TIPARP: variants seen among roughly 807,000 people sequenced by gnomAD.
TIPARP encodes the protein TCDD inducible poly(ADP-ribose) polymerase.
In TIPARP, 12 loss-of-function variants were observed where a neutral mutation model predicts 56.5. The observed-to-expected ratio is 0.21, with a 90% CI of 0.14 to 0.34. The LOEUF (loss-of-function observed/expected upper bound fraction) is 0.34. TIPARP is among the 10% of genes least tolerant of loss of function. TIPARP has a pLI of 1.00. For missense variants in TIPARP, 604 were observed against 781.6 expected (o/e 0.77, Z 2.71); for synonymous variants, 296 against 265.7 (o/e 1.11, Z -1.11).
At chr3:156,678,732 T>C in intron 2 of TIPARP, 118 bp downstream of exon 2, 1 of 875,890 alleles carries the variant, frequency 1.1e-6, no homozygotes, top group Non-Finnish European at 1.7e-6. Context: ...TTTTCCACTA[T>C]TATTCTTTTG....
chr3:156,682,991 A>C (rs1722342732), intron 2 of TIPARP, among the ~76,000 whole-genome samples: 1 of 152,242 alleles, frequency 6.6e-6, no homozygotes, highest in African/African-American at 2.4e-5. Context: ...CAGAGAAGTT[A>C]CTGGATCTGT....
At chr3:156,695,575 C>T (rs973152706) in intron 3 of TIPARP, among the ~76,000 whole-genome samples, 9 of 151,836 alleles carry the variant, frequency 5.9e-5, no homozygotes, top group East Asian at 3.9e-4. Context: ...GAAATATGAA[C>T]GAAAACTCTC....
chr3:156,684,690 A>T (rs1722389157), intron 2 of TIPARP, among the ~76,000 whole-genome samples: 1 of 152,156 alleles, frequency 6.6e-6, no homozygotes, highest in South Asian at 2.1e-4. Flanking sequence ...CCTCGGCCTC[A>T]CAAAGTGCTA....
intron 2 of TIPARP, among the ~76,000 whole-genome samples, chr3:156,686,409 TTTCTC>T (rs1722429480): frequency 6.6e-6 from 1 of 152,220 alleles, no homozygotes; most frequent in Non-Finnish European, 1.5e-5. Context: ...CTCTCTGTCT[TTTCTC>T]TAGGAAGTCT....
At chr3:156,676,792 T>C (rs576540673) in intron 1 of TIPARP, 1 of 152,166 alleles carries the variant, frequency 6.6e-6, no homozygotes, top group South Asian at 2.1e-4. Flanking sequence ...ATCTGAAATT[T>C]GGTGTGTGTT....
chr3:156,693,846 T>C (rs1027349036), intron 2 of TIPARP, among the ~76,000 whole-genome samples, 174 bp from the exon 3 acceptor site: 2 of 152,180 alleles, frequency 1.3e-5, no homozygotes, highest in African/African-American at 4.8e-5. Context: ...AGGAAATGGA[T>C]GCTGTGGAAA....
At chr3:156,683,812 C>T (rs1722362560) in intron 2 of TIPARP, among the ~76,000 whole-genome samples, 1 of 152,164 alleles carries the variant, frequency 6.6e-6, no homozygotes, top group African/African-American at 2.4e-5. Context: ...TCTATGCAAA[C>T]CTTGACTACT....
rs1291859416 is a variant in TIPARP, at chr3:156,705,057, A to C, written c.1900A>C (p.Ile634Leu). The change falls in exon 6 of 6, where the codon ATT (isoleucine) becomes CTT (leucine). Residue 634 changes from isoleucine (I) to leucine (L), a missense_variant. This residue lies in a region of TIPARP where 77 missense variants were observed against 161.0 expected (regional missense o/e 0.48). Coordinates refer to ENST00000295924, the MANE Select transcript of TIPARP (RefSeq NM_015508.5). ...TTTCTTTGAGCCTCAGATTTTTGTC[A>C]TTTTTAATGATGACCAGAGTTACCC... is the stretch of plus-strand genomic sequence containing the variant. ...DNFFEPQIFV[I>L]FNDDQSYPYF... 6.2e-7 allele frequency: 1 copy of C among 1,613,966 alleles called. No homozygotes were observed.
At chr3:156,682,552 CAT>C (rs1722334554) in intron 2 of TIPARP, among the ~76,000 whole-genome samples, 1 of 152,168 alleles carries the variant, frequency 6.6e-6, no homozygotes, top group South Asian at 2.1e-4. Flanking sequence ...TCATAAAAAG[CAT>C]ATACTGTTAC....
At chr3:156,686,295 G>A (rs1477385648) in intron 2 of TIPARP, among the ~76,000 whole-genome samples, 1 of 152,122 alleles carries the variant, frequency 6.6e-6, no homozygotes, top group East Asian at 1.9e-4. Context: ...ATCTATCATA[G>A]AAACTTGGCT....
rs1292742189 is a variant in TIPARP at position 156,703,472 on chromosome 3, TTCA to T, written c.1303_1305del (p.Ser435del). On this transcript the variant is annotated inframe_deletion, in exon 5 of 6. Coordinates refer to ENST00000295924, the MANE Select transcript of TIPARP (RefSeq NM_015508.5). ...AAGCTCCTCCACCTCTTGAAGCAAC[TTCA>T]TCATCACAAATTATCTGCCCAGATG... 6.2e-7 allele frequency: 1 copy of T among 1,614,216 alleles called. No individual in the cohort carries two copies. Among genetic ancestry groups the T allele is most frequent in the South Asian group, 1.1e-5 (1 of 91,090 alleles).
At chr3:156,680,403 A>G (rs890002706) in intron 2 of TIPARP, among the ~76,000 whole-genome samples, 1 of 152,162 alleles carries the variant, frequency 6.6e-6, no homozygotes, top group African/African-American at 2.4e-5. Flanking sequence ...TGAGCTAGCA[A>G]TTCTAATTGC....
rs763428665 is a variant in TIPARP at position 156,677,943 on chromosome 3, G to A, written c.246G>A (p.Glu82=). 1.4e-5 allele frequency: 22 copies of A among 1,614,110 alleles called. No homozygotes were observed. Among genetic ancestry groups the A allele is most frequent in the Non-Finnish European group, 1.8e-5 (21 of 1,180,026 alleles). Residue 82 remains glutamate, a synonymous_variant, in exon 2 of 6, where the codon GAG becomes GAA. Coordinates refer to ENST00000295924, the MANE Select transcript of TIPARP (RefSeq NM_015508.5). Reference sequence around the variant, plus strand: ...GATCTAGGAACCAGAGTACAGATGAGAACAGCTTACATGAACCTATGATGA... The same window carrying A: ...GATCTAGGAACCAGAGTACAGATGAAAACAGCTTACATGAACCTATGATGA... ...VFRSRNQSTD[E]NSLHEPMMKK...
intron 5 of TIPARP, 119 bp downstream of exon 5, chr3:156,703,821 A>G (rs902251016): frequency 7.5e-6 from 8 of 1,067,940 alleles, no homozygotes; most frequent in African/African-American, 4.8e-5. Context: ...AGACCATCCT[A>G]GCTAACACGG....
rs750762269 is a variant in TIPARP, at chr3:156,677,670, TG to T, written c.-27del. The T allele has an allele frequency of 3.9e-6, 6 of 1,530,702 alleles. No homozygotes were observed. The African/African-American group carries it at 6.9e-5, about 18-fold the overall frequency. 94.8% of individuals were successfully genotyped at this position (1,530,702 alleles called of 1,614,324 possible). A position where few individuals can be genotyped will look rare whatever the true frequency, so the allele number is the denominator to read the frequency against. On this transcript the variant is annotated 5_prime_UTR_variant, in exon 2 of 6. Transcript: ENST00000295924. ...CTTTCCTCGTAGGATTTTTAGACTC[TG>T]AGGAGCAGTTGGAGCTAATCCACAT... is the stretch of plus-strand genomic sequence containing the variant.
intron 2 of TIPARP, among the ~76,000 whole-genome samples, chr3:156,690,519 TTTTAAA>T (rs1235820285): frequency 6.6e-6 from 1 of 152,168 alleles, no homozygotes; most frequent in Non-Finnish European, 1.5e-5. Flanking sequence ...CTTTTCAGCA[TTTTAAA>T]TTAGTGTTGT....
At position 156,703,520 on chromosome 3, in the gene TIPARP, T is replaced by C. The variant is rs1436134761; in HGVS notation, c.1344T>C (p.Phe448=). Residue 448 remains phenylalanine, a synonymous_variant, in exon 5 of 6, where the codon TTT becomes TTC. Transcript: ENST00000295924. Reference sequence around the variant, plus strand: ...CAGATGGGGTCACTTCAGCAAACTTTTACCCTGAAACTTGGGTTTATATGC... The same window carrying C: ...CAGATGGGGTCACTTCAGCAAACTTCTACCCTGAAACTTGGGTTTATATGC... The part of the protein sequence containing the change: ...ICPDGVTSAN[F]YPETWVYMHP... The C allele has an allele frequency of 6.2e-7, 1 of 1,614,104 alleles. No individual in the cohort carries two copies. Among genetic ancestry groups the C allele is most frequent in the African/African-American group, 1.3e-5 (1 of 74,916 alleles).
chr3:156,706,056 G>A lies in TIPARP; in HGVS notation c.*925G>A, dbSNP rs1722973754. ...AGGTTATTACTGTGTTTTGCACAAA[G>A]TATATTAGCAAAAGTATTTGCTGGA... On this transcript the variant is annotated 3_prime_UTR_variant, in exon 6 of 6. Coordinates refer to ENST00000295924, the MANE Select transcript of TIPARP (RefSeq NM_015508.5). 6.6e-6 allele frequency: 1 copy of A among 152,606 alleles called. No homozygotes were observed. Among genetic ancestry groups the A allele is most frequent in the African/African-American group, 2.4e-5 (1 of 41,434 alleles). 9.5% of individuals were successfully genotyped at this position (152,606 alleles called of 1,614,324 possible).
At chr3:156,698,352 CTT>C (rs899457703) in intron 4 of TIPARP, among the ~76,000 whole-genome samples, 5 of 152,276 alleles carry the variant, frequency 3.3e-5, no homozygotes, top group East Asian at 3.9e-4. Flanking sequence ...ACAAAACAAA[CTT>C]ATATTAGAAG....
Sources: gnomAD v4.1 joint callset for allele counts (sites outside exome capture counted in the v4.1 genomes callset) on GRCh38, gnomAD v4.1.1 for gene constraint, gnomAD v4.1.1 regional missense constraint, MANE v1.5 for transcripts, NCBI Gene and HGNC (gene_info 2026-07-23, HGNC 2026-07-21) for gene names.